The following C10orf71 variants were observed in gnomAD, a reference collection of about 807,000 sequenced individuals.
C10orf71 encodes cardiac-enriched FHL2-interacting protein.
For missense variants in C10orf71, 1,869 were observed against 1,804.5 expected, an observed-to-expected ratio of 1.04 and a Z score of -0.65; for synonymous variants, 758 against 726.3, an observed-to-expected ratio of 1.04 and a Z score of -0.70.
chr10:49,303,112 C>T (rs1382112054), intron 1 of C10orf71, among the ~76,000 whole-genome samples: 4 of 152,086 alleles, frequency 2.6e-5, no homozygotes, highest in Non-Finnish European at 4.4e-5. Flanking sequence ...GGGCCTATAC[C>T]TTCCAGAGTC....
In C10orf71 at chr10:49,326,437, A is replaced by G; in HGVS notation, c.3892A>G (p.Thr1298Ala). ...CTTGCCACTCCAGGTGAAAATCAAG[A>G]CCTTCTATGACCCAGAGACGGGCAA... Reference protein sequence around the residue: ...FDLPLQVKIKTFYDPETGKYV... With the variant: ...FDLPLQVKIKAFYDPETGKYV... Residue 1298 changes from threonine to alanine, a missense_variant, in exon 3 of 3, where the codon ACC becomes GCC. Physicochemically the swap from Thr to Ala is moderately conservative, Grantham distance 58. Coordinates refer to ENST00000374144, the MANE Select transcript of C10orf71 (RefSeq NM_001135196.2). 1 of 1,550,070 alleles carries G rather than the reference A, an allele frequency of 6.5e-7. No homozygotes were observed. The highest frequency in any genetic ancestry group is 8.7e-7 in the Non-Finnish European group (1 of 1,146,734).
rs889329877 is a variant in C10orf71, at chr10:49,323,946, A to C, written c.1401A>C (p.Arg467=). ...CAGCAGACAGCCAGCCAGCAGAGCG[A>C]ACCCCATCACCCCCAGGACAGCTAA... ...LDSADSQPAE[R]TPSPPGQLNG... The change falls in exon 3 of 3, where the codon CGA becomes CGC. Residue 467 remains arginine (R), a synonymous_variant. Transcript: ENST00000374144. The C allele has an allele frequency of 1.2e-6, 2 of 1,613,858 alleles. No homozygotes were observed. The highest frequency in any genetic ancestry group is 1.7e-6 in the Non-Finnish European group (2 of 1,179,844).
In C10orf71 at chr10:49,324,372, T is replaced by C. The variant is rs1391753414; in HGVS notation, c.1827T>C (p.Ala609=). The C allele has an allele frequency of 1.2e-6, 2 of 1,613,690 alleles. No homozygotes were observed. Among genetic ancestry groups the C allele is most frequent in the South Asian group, 1.1e-5 (1 of 91,022 alleles). ...CCTTCTATGTCAATGGGGAGGCTGC[T>C]GAGAGAAGCAGTTATGAGAACAAGG... ...KAPFYVNGEA[A]ERSSYENKEV... The change falls in exon 3 of 3, where the codon GCT becomes GCC. Residue 609 remains alanine (A), a synonymous_variant. Transcript: ENST00000374144.
chr10:49,311,857 G>A (rs1283598576), intron 1 of C10orf71, among the ~76,000 whole-genome samples: 2 of 152,186 alleles, frequency 1.3e-5, no homozygotes, highest in Admixed American at 1.3e-4. Context: ...CCTGCCAAGA[G>A]GGACTTGAGG....
At chr10:49,317,628 A>T (rs1454409003) in intron 2 of C10orf71, among the ~76,000 whole-genome samples, 1 of 152,168 alleles carries the variant, frequency 6.6e-6, no homozygotes, top group Non-Finnish European at 1.5e-5. Context: ...AGGTGGACAG[A>T]TTACTTGAGC....
In C10orf71 at chr10:49,325,791, C is replaced by T; in HGVS notation, c.3246C>T (p.Ala1082=). The part of the protein sequence containing the change: ...ASNIWEESSQ[A]PGGPELLPEE... ...ACATTTGGGAGGAGTCTTCCCAGGC[C>T]CCTGGAGGACCAGAGCTGCTTCCCG... Residue 1082 remains alanine, a synonymous_variant, in exon 3 of 3, where the codon GCC becomes GCT. Coordinates refer to ENST00000374144, the MANE Select transcript of C10orf71 (RefSeq NM_001135196.2). The T allele has an allele frequency of 6.4e-7, 1 of 1,551,516 alleles. No homozygotes were observed. The highest frequency in any genetic ancestry group is 1.2e-5 in the South Asian group (1 of 84,054).
rs2132446611 is a variant in C10orf71 at position 49,326,693 on chromosome 10, A to G, written c.4148A>G (p.Gln1383Arg). ...CAGAGTGTCCACGAGTCTGGACTACAGCTGGACCCAGGGCCTCACGGTGAC... is the reference window on the plus strand; with the variant it reads ...CAGAGTGTCCACGAGTCTGGACTACGGCTGGACCCAGGGCCTCACGGTGAC... ...RTQSVHESGL[Q>R]LDPGPHGDCT... The change falls in exon 3 of 3, where the codon CAG (glutamine) becomes CGG (arginine). Residue 1383 changes from glutamine (Q) to arginine (R), a missense_variant. By Grantham distance (43) the Gln-to-Arg change is conservative. Coordinates refer to ENST00000374144, the MANE Select transcript of C10orf71 (RefSeq NM_001135196.2). 4 of 1,551,098 alleles carry G rather than the reference A, an allele frequency of 2.6e-6. No individual in the cohort carries two copies. The South Asian group carries it at 3.6e-5, about 14-fold the overall frequency.
chr10:49,324,691 T>C lies in C10orf71; in HGVS notation c.2146T>C (p.Ser716Pro), dbSNP rs1849183091. 1 of 1,608,066 alleles carries C rather than the reference T, an allele frequency of 6.2e-7. No homozygotes were observed. Among genetic ancestry groups the C allele is most frequent in the Admixed American group, 1.7e-5 (1 of 59,250 alleles). Residue 716 changes from serine (S) to proline (P), a missense_variant, in exon 3 of 3, where the codon TCC becomes CCC. Ser to Pro is a moderately conservative substitution (Grantham distance 74). Transcript: ENST00000374144. ...AGATGTGTTTTACAGTGACAGCCAATCCGATTTTATGCCAAGCCTCAAAGG... is the reference window on the plus strand; with the variant it reads ...AGATGTGTTTTACAGTGACAGCCAACCCGATTTTATGCCAAGCCTCAAAGG... ...EEDVFYSDSQ[S>P]DFMPSLKGKA...
chr10:49,320,398 A>G (rs1212260497), intron 2 of C10orf71, among the ~76,000 whole-genome samples: 1 of 152,150 alleles, frequency 6.6e-6, no homozygotes, highest in Non-Finnish European at 1.5e-5. Flanking sequence ...CCCAGAGGTA[A>G]GGGGCCCAGG....
At chr10:49,303,670 T>C (rs1039163691) in intron 1 of C10orf71, among the ~76,000 whole-genome samples, 3 of 152,208 alleles carry the variant, frequency 2.0e-5, no homozygotes, top group Non-Finnish European at 4.4e-5. Flanking sequence ...GCCAAGTTTT[T>C]CACATCAACA....
At chr10:49,305,638 G>A (rs967444753) in intron 1 of C10orf71, among the ~76,000 whole-genome samples, 3 of 152,228 alleles carry the variant, frequency 2.0e-5, no homozygotes, top group East Asian at 3.9e-4. Flanking sequence ...AGCTAGAGCA[G>A]TAAGGCAAGG....
chr10:49,312,243 G>A (rs1458452432), intron 1 of C10orf71, among the ~76,000 whole-genome samples: 1 of 152,142 alleles, frequency 6.6e-6, no homozygotes, highest in Non-Finnish European at 1.5e-5. Flanking sequence ...CAGACCCTTC[G>A]CTCTTCTCCA....
chr10:49,324,273 T>TACC lies in C10orf71; in HGVS notation c.1730_1731insCAC (p.Thr577dup). ...CACACATCAATCCCCAGAAGGACCC[T>TACC]ACAGCTGACCCCAGTGAGCCCTCTG... On this transcript the variant is annotated inframe_insertion, in exon 3 of 3. Coordinates refer to ENST00000374144, the MANE Select transcript of C10orf71 (RefSeq NM_001135196.2). 4 of 1,613,882 alleles carry TACC rather than the reference T, an allele frequency of 2.5e-6. No individual in the cohort carries two copies. The highest frequency in any genetic ancestry group is 3.4e-6 in the Non-Finnish European group (4 of 1,179,856).
Position 49,325,764 on chromosome 10 carries a change from C to A in C10orf71, c.3219C>A (p.Ser1073Arg). 1.3e-6 allele frequency: 2 copies of A among 1,551,412 alleles called. No homozygotes were observed. Among genetic ancestry groups the A allele is most frequent in the Non-Finnish European group, 1.7e-6 (2 of 1,146,850 alleles). Residue 1073 changes from serine to arginine, a missense_variant, in exon 3 of 3, where the codon AGC (serine) becomes AGA (arginine). Coordinates refer to ENST00000374144, the MANE Select transcript of C10orf71 (RefSeq NM_001135196.2). Reference sequence around the variant, plus strand: ...GCAGTGCCTGCTCCCCTGCTGCCAGCAACATTTGGGAGGAGTCTTCCCAGG... The same window carrying A: ...GCAGTGCCTGCTCCCCTGCTGCCAGAAACATTTGGGAGGAGTCTTCCCAGG... The part of the protein sequence containing the change: ...GESSACSPAA[S>R]NIWEESSQAP...
Position 49,326,825 on chromosome 10 carries a change from A to T in C10orf71, c.4280A>T (p.Glu1427Val), listed in dbSNP as rs1208722956. The T allele has an allele frequency of 1.3e-6, 2 of 1,545,266 alleles. No individual in the cohort carries two copies. Among genetic ancestry groups the T allele is most frequent in the East Asian group, 2.5e-5 (1 of 40,816 alleles). The change falls in exon 3 of 3, where the codon GAG becomes GTG. Residue 1427 changes from glutamate to valine, a missense_variant. By Grantham distance (121) the Glu-to-Val change is moderately radical. Coordinates refer to ENST00000374144, the MANE Select transcript of C10orf71 (RefSeq NM_001135196.2). ...GLGIISTDDLEDFATEGIS is the reference protein window; with the variant it reads ...GLGIISTDDLVDFATEGIS ...GGCATCATCTCCACTGATGACCTAG[A>T]GGACTTTGCCACAGAAGGCATTTCT...
Position 49,327,127 on chromosome 10 carries a change from A to C in C10orf71, c.*274A>C. 1 of 1,138,850 alleles carries C rather than the reference A, an allele frequency of 8.8e-7. No individual in the cohort carries two copies. The highest frequency in any genetic ancestry group is 1.2e-6 in the Non-Finnish European group (1 of 840,568). 70.5% of individuals were successfully genotyped at this position (1,138,850 alleles called of 1,614,324 possible). A position where few individuals can be genotyped will look rare whatever the true frequency, so the allele number is the denominator to read the frequency against. ...CCAGTTCCCAGGCGCACTCTACTCC[A>C]GCCCTTCTCCCTCCCTCCCTTCCTC... On this transcript the variant is annotated 3_prime_UTR_variant, in exon 3 of 3. Coordinates refer to ENST00000374144, the MANE Select transcript of C10orf71 (RefSeq NM_001135196.2).
At position 49,325,943 on chromosome 10, in the gene C10orf71, A is replaced by G. The variant is rs771449300; in HGVS notation, c.3398A>G (p.Asp1133Gly). 15 of 1,551,104 alleles carry G rather than the reference A, an allele frequency of 9.7e-6. No individual in the cohort carries two copies. The highest frequency in any genetic ancestry group is 1.7e-4 in the Middle Eastern group (1 of 6,014). Residue 1133 changes from aspartate to glycine, a missense_variant, in exon 3 of 3, where the codon GAC becomes GGC. Coordinates refer to ENST00000374144, the MANE Select transcript of C10orf71 (RefSeq NM_001135196.2). Reference protein sequence around the residue: ...SDPLLELSAEDLRTLSPRGSL... With the variant: ...SDPLLELSAEGLRTLSPRGSL... ...CCCCTACTTGAGCTGTCGGCAGAAG[A>G]CCTCCGGACCCTCTCTCCAAGAGGT... is the stretch of plus-strand genomic sequence containing the variant.
intron 2 of C10orf71, among the ~76,000 whole-genome samples, chr10:49,320,959 G>A (rs1401041940): frequency 6.6e-6 from 1 of 152,078 alleles, no homozygotes; most frequent in East Asian, 1.9e-4. Context: ...TGATGAACTT[G>A]GAGATAAGTA....
intron 2 of C10orf71, among the ~76,000 whole-genome samples, chr10:49,320,563 G>A (rs562500531): frequency 3.9e-5 from 6 of 152,202 alleles, no homozygotes; most frequent in African/African-American, 9.7e-5. Context: ...GATCATGCTT[G>A]GTACCATGAA....
Sources: gnomAD v4.1 joint callset for allele counts (sites outside exome capture counted in the v4.1 genomes callset) on GRCh38, gnomAD v4.1.1 for gene constraint, MANE v1.5 for transcripts, NCBI Gene and HGNC (gene_info 2026-07-23, HGNC 2026-07-21) for gene names.